TGFB3: variants seen among roughly 807,000 people sequenced by gnomAD.
TGFB3 encodes transforming growth factor beta 3, also known as transforming growth factor beta-3 proprotein.
In TGFB3, 5 loss-of-function variants were observed where a neutral mutation model predicts 40.1. The ratio of observed to expected loss-of-function variants is 0.12; its 90% CI spans 0.07 to 0.26. TGFB3 has a LOEUF of 0.26. Among genes scored for constraint, TGFB3 ranks in the 10% least tolerant of loss-of-function variants. The pLI is 1.00. For missense variants in TGFB3, 373 were observed against 530.1 expected, an observed-to-expected ratio of 0.70 and a Z score of 2.91; for synonymous variants, 184 against 205.6, an observed-to-expected ratio of 0.89 and a Z score of 0.90.
chr14:75,980,974 G>C lies in TGFB3; in HGVS notation c.-81C>G. On this transcript the variant is annotated 5_prime_UTR_variant, in exon 1 of 7. Coordinates refer to ENST00000238682, the MANE Select transcript of TGFB3 (RefSeq NM_003239.5). The surrounding 1 kb of genome is among the most constrained non-coding windows in gnomAD (Gnocchi z 4.3). Reference sequence around the variant, plus strand: ...CCAGCAGACGTGCAGAAGGAGGGAGGAAAACCAGGCGGCCTCCCCAGATCC... The same window carrying C: ...CCAGCAGACGTGCAGAAGGAGGGAGCAAAACCAGGCGGCCTCCCCAGATCC... 2.2e-6 allele frequency: 3 copies of C among 1,358,120 alleles called. No homozygotes were observed. Among genetic ancestry groups the C allele is most frequent in the Non-Finnish European group, 3.1e-6 (3 of 957,128 alleles). 84.1% of individuals were successfully genotyped at this position (1,358,120 alleles called of 1,614,324 possible).
At chr14:75,970,324 A>G (rs2035273303) in intron 3 of TGFB3, among the ~76,000 whole-genome samples, 2 of 152,106 alleles carry the variant, frequency 1.3e-5, no homozygotes, top group Admixed American at 1.3e-4. Flanking sequence ...TTTGGAAGCC[A>G]AAGTGGGCGG....
At chr14:75,973,868 A>AC (rs1253709529) in intron 1 of TGFB3, among the ~76,000 whole-genome samples, 2 of 152,364 alleles carry the variant, frequency 1.3e-5, no homozygotes, top group South Asian at 2.1e-4. Flanking sequence ...GGGGCCGGGC[A>AC]CGGTGGCTCA....
rs142317677 is a variant in TGFB3 at position 75,974,652 on chromosome 14, C to A, written c.353-2934G>T. 5.0e-3 allele frequency among the ~76,000 whole-genome samples: 754 copies of A among 151,952 alleles called. 9 individuals are homozygous for A. The highest frequency in any genetic ancestry group is 0.018 in the African/African-American group (730 of 41,426). On this transcript the variant is annotated intron_variant, in intron 1 of 6. Coordinates refer to ENST00000238682, the MANE Select transcript of TGFB3 (RefSeq NM_003239.5). ...TGATGGTGCATGCTTGTAATCCTAG[C>A]TATTCAGGAGGCTGAGGCAGGAGAG...
chr14:75,964,158 G>A (rs2035193881), intron 4 of TGFB3, among the ~76,000 whole-genome samples: 1 of 152,182 alleles, frequency 6.6e-6, no homozygotes, highest in Non-Finnish European at 1.5e-5. Flanking sequence ...TTACAGGTGT[G>A]AGCCACTGCA....
At chr14:75,969,016 G>A (rs4252331) in intron 3 of TGFB3, among the ~76,000 whole-genome samples, 34 of 152,192 alleles carry the variant, frequency 2.2e-4, no homozygotes, top group Admixed American at 7.2e-4. Context: ...AGGGGTGGCC[G>A]GTACTCATCT....
chr14:75,959,315 CA>C lies in TGFB3; in HGVS notation c.1110del (p.Glu371LysfsTer16). 1 of 1,614,152 alleles carries C rather than the reference CA, an allele frequency of 6.2e-7. No homozygotes were observed. The highest frequency in any genetic ancestry group is 8.5e-7 in the Non-Finnish European group (1 of 1,180,012). On this transcript the variant is annotated frameshift_variant, in exon 7 of 7. Transcript: ENST00000238682. LOFTEE classifies it high-confidence loss of function. ...ACGCAGCAAGGCGAGGCAGATGCTT[CA>C]GGGTTCAGAGTGTTGTACAGTCCCA... ...TVLGLYNTLN[P>X]EASASPCCVP... is the part of the protein sequence containing the mutation.
In TGFB3 at chr14:75,971,481, C is replaced by G. The variant is rs2035291272; in HGVS notation, c.516+74G>C. On this transcript the variant is annotated intron_variant, in intron 2 of 6. Transcript: ENST00000238682. This position sits in a 1 kb window ranked among gnomAD's most constrained non-coding sequence, Gnocchi z 4.5. ...AAACCCAGGTCTGCCAAACGCTGCA[C>G]CCAGTGGTGCCCTGATATGGCAAAG... The G allele has an allele frequency of 1.3e-6, 2 of 1,597,064 alleles. No individual in the cohort carries two copies. Among genetic ancestry groups the G allele is most frequent in the Admixed American group, 3.4e-5 (2 of 58,292 alleles).
intron 1 of TGFB3, among the ~76,000 whole-genome samples, chr14:75,977,185 G>A (rs1031629889): frequency 2.6e-5 from 4 of 152,190 alleles, no homozygotes; most frequent in African/African-American, 9.7e-5. Context: ...GAGAAACTCT[G>A]GGTTTGCTGG....
chr14:75,972,643 G>C (rs2035307231), intron 1 of TGFB3, among the ~76,000 whole-genome samples: 1 of 152,196 alleles, frequency 6.6e-6, no homozygotes, highest in South Asian at 2.1e-4. Flanking sequence ...CAAAGGCAGG[G>C]AGGGGAGGAA....
Position 75,965,690 on chromosome 14 carries a change from T to C in TGFB3, c.652A>G (p.Asn218Asp). 1 of 1,613,740 alleles carries C rather than the reference T, an allele frequency of 6.2e-7. No homozygotes were observed. The highest frequency in any genetic ancestry group is 8.5e-7 in the Non-Finnish European group (1 of 1,179,628). The stretch of plus-strand genomic sequence containing the variant: ...TGAATGCTGATTTCTAGACCTAAGT[T>C]GGACTCTGCAAAATAAGACAGAATT... Reference protein sequence around the residue: ...VREWLLRRESNLGLEISIHCP... With the variant: ...VREWLLRRESDLGLEISIHCP... Residue 218 changes from asparagine (N) to aspartate (D), a missense_variant, in exon 4 of 7, where the codon AAC becomes GAC. Coordinates refer to ENST00000238682, the MANE Select transcript of TGFB3 (RefSeq NM_003239.5).
In TGFB3 at chr14:75,971,425, C is replaced by G; in HGVS notation, c.516+130G>C. The stretch of plus-strand genomic sequence containing the variant: ...AGTGTTTTAATGACAGACACAGATA[C>G]GGAAACGAAGGCTCAGAGAAGCCAG... On this transcript the variant is annotated intron_variant, in intron 2 of 6. Coordinates refer to ENST00000238682, the MANE Select transcript of TGFB3 (RefSeq NM_003239.5). This position sits in a 1 kb window ranked among gnomAD's most constrained non-coding sequence, Gnocchi z 4.5. The G allele has an allele frequency of 2.6e-6, 4 of 1,523,836 alleles. No homozygotes were observed. The East Asian group carries it at 7.1e-5, about 27-fold the overall frequency. The allele number at this position is 1,523,836 out of a possible 1,614,324, so 94.4% of individuals were successfully genotyped here.
Position 75,958,892 on chromosome 14 carries a change from C to T in TGFB3, c.*295G>A, listed in dbSNP as rs2035118500. ...ATCCCATTGCCACACAACATCTCAA[C>T]TTACCATCCCTTTCCTCTATCCCCA... On this transcript the variant is annotated 3_prime_UTR_variant, in exon 7 of 7. Coordinates refer to ENST00000238682, the MANE Select transcript of TGFB3 (RefSeq NM_003239.5). The T allele has an allele frequency of 2.4e-6, 1 of 408,604 alleles. No individual in the cohort carries two copies. Among genetic ancestry groups the T allele is most frequent in the South Asian group, 2.1e-5 (1 of 48,110 alleles). 25.3% of individuals were successfully genotyped at this position (408,604 alleles called of 1,614,324 possible).
At chr14:75,959,660 A>G (rs952145835) in intron 6 of TGFB3, among the ~76,000 whole-genome samples, 23 of 151,920 alleles carry the variant, frequency 1.5e-4, no homozygotes, top group Non-Finnish European at 2.5e-4. Flanking sequence ...AATCCCAGCT[A>G]CTTGGGAGGC....
rs1363656072 is a variant in TGFB3, at chr14:75,979,887, T to C, written c.352+655A>G. On this transcript the variant is annotated intron_variant, in intron 1 of 6. Transcript: ENST00000238682. The surrounding 1 kb of genome is among the most constrained non-coding windows in gnomAD (Gnocchi z 4.8). ...CACAAGACTGCATGTCACCCTAAAGTACACGGCCCTGGGAACATTCGTGCA... is the reference window on the plus strand; with the variant it reads ...CACAAGACTGCATGTCACCCTAAAGCACACGGCCCTGGGAACATTCGTGCA... 4.6e-5 allele frequency among the ~76,000 whole-genome samples: 7 copies of C among 152,212 alleles called. No individual in the cohort carries two copies. The East Asian group carries it at 1.4e-3, about 30-fold the overall frequency.
At position 75,959,037 on chromosome 14, in the gene TGFB3, A is replaced by G. The variant is rs957657035; in HGVS notation, c.*150T>C. ...GAGCCAGCAAGAAAGAAATGTTCCA[A>G]AAGGAAACCTCCATCTCAGCCATTT... On this transcript the variant is annotated 3_prime_UTR_variant, in exon 7 of 7. Coordinates refer to ENST00000238682, the MANE Select transcript of TGFB3 (RefSeq NM_003239.5). The G allele has an allele frequency of 5.4e-6, 5 of 934,508 alleles. No homozygotes were observed. In the African/African-American group the frequency reaches 6.5e-5, roughly 12 times the overall value. 57.9% of individuals were successfully genotyped at this position (934,508 alleles called of 1,614,324 possible).
chr14:75,960,318 A>C (rs1220271708), intron 6 of TGFB3: 1 of 156,040 alleles, frequency 6.4e-6, no homozygotes, highest in Admixed American at 6.2e-5. Flanking sequence ...ATGTTCTCAC[A>C]AAACATTGCC....
At position 75,958,906 on chromosome 14, in the gene TGFB3, C is replaced by G. The variant is rs749589453; in HGVS notation, c.*281G>C. 1.1e-5 allele frequency: 5 copies of G among 435,990 alleles called. No homozygotes were observed. In the Admixed American group the frequency reaches 1.3e-4, roughly 12 times the overall value. The allele number at this position is 435,990 out of a possible 1,614,324, so 27.0% of individuals were successfully genotyped here. A position where few individuals can be genotyped will look rare whatever the true frequency, so the allele number is the denominator to read the frequency against. On this transcript the variant is annotated 3_prime_UTR_variant, in exon 7 of 7. Coordinates refer to ENST00000238682, the MANE Select transcript of TGFB3 (RefSeq NM_003239.5). ...CAACATCTCAACTTACCATCCCTTT[C>G]CTCTATCCCCATCCCCTCTGTCTGC...
chr14:75,980,468 G>GC lies in TGFB3; in HGVS notation c.352+73dup. 6.8e-6 allele frequency: 10 copies of GC among 1,469,268 alleles called. No individual in the cohort carries two copies. Among genetic ancestry groups the GC allele is most frequent in the Middle Eastern group, 1.7e-4 (1 of 5,792 alleles). 91.0% of individuals were successfully genotyped at this position (1,469,268 alleles called of 1,614,324 possible). ...CACCCTGCTGTGTGGCCAGCACTAG[G>GC]CCCCCCTCTGCAGAGCTCCCAGCTC... On this transcript the variant is annotated intron_variant, in intron 1 of 6. Transcript: ENST00000238682. This position sits in a 1 kb window ranked among gnomAD's most constrained non-coding sequence, Gnocchi z 4.3.
intron 1 of TGFB3, among the ~76,000 whole-genome samples, chr14:75,974,764 C>CA (rs763057157): frequency 0.68 from 74,960 of 110,538 alleles, 25,549 homozygotes; most frequent in Non-Finnish European, 0.75. Context: ...GACTCCATCT[C>CA]AAAAAAAAAA....
Sources: allele counts gnomAD v4.1 joint callset (sites outside exome capture counted in the v4.1 genomes callset), GRCh38; gene constraint gnomAD v4.1.1; non-coding constraint Gnocchi (gnomAD v3.1); transcripts MANE v1.5; gene names NCBI Gene and HGNC (gene_info 2026-07-23, HGNC 2026-07-21).